The following MEIS1 variants were observed in gnomAD, a reference collection of about 807,000 sequenced individuals.
MEIS1 encodes the protein Meis homeobox 1.
Under a neutral mutation model 50.8 loss-of-function variants are expected in MEIS1, and 5 were observed. The observed-to-expected ratio is 0.10, with a 90% CI of 0.05 to 0.21. The LOEUF is 0.21. Among genes scored for constraint, MEIS1 ranks in the 10% least tolerant of loss-of-function variants. MEIS1 has a pLI of 1.00. For synonymous variants in MEIS1, 176 were observed against 179.3 expected (o/e 0.98, Z 0.15); for missense variants, 318 against 517.3 (o/e 0.61, Z 3.74).
intron 2 of MEIS1, chr2:66,439,476 A>G: frequency 7.2e-7 from 1 of 1,390,342 alleles, no homozygotes. Flanking sequence ...TTTCTCCTCC[A>G]CCGGATCCTG....
At chr2:66,456,943 G>A (rs1033346359) in intron 6 of MEIS1, among the ~76,000 whole-genome samples, 7 of 152,082 alleles carry the variant, frequency 4.6e-5, no homozygotes, top group African/African-American at 9.7e-5. Context: ...GCTATTTCAC[G>A]TCCATATCAT....
intron 7 of MEIS1, among the ~76,000 whole-genome samples, chr2:66,502,488 T>C (rs1673581725): frequency 6.6e-6 from 1 of 152,246 alleles, no homozygotes. Context: ...CCAACATTTC[T>C]GGGAAGGTGA....
intron 7 of MEIS1, among the ~76,000 whole-genome samples, chr2:66,497,157 G>T: frequency 6.6e-6 from 1 of 152,134 alleles, no homozygotes; most frequent in East Asian, 1.9e-4. Flanking sequence ...CCTTTCTAGA[G>T]GTTAAAGAAA....
At chr2:66,475,203 T>C (rs955305868) in intron 7 of MEIS1, among the ~76,000 whole-genome samples, 9 of 146,788 alleles carry the variant, frequency 6.1e-5, no homozygotes, top group Non-Finnish European at 9.0e-5. Context: ...TATGCACACC[T>C]ATATAAATAA....
chr2:66,537,638 T>C (rs1674554283), intron 8 of MEIS1, among the ~76,000 whole-genome samples: 1 of 152,234 alleles, frequency 6.6e-6, no homozygotes, highest in Admixed American at 6.5e-5. Context: ...GACAAGGATT[T>C]TTCCTGAATA....
At chr2:66,477,320 C>T (rs1672917618) in intron 7 of MEIS1, among the ~76,000 whole-genome samples, 1 of 152,150 alleles carries the variant, frequency 6.6e-6, no homozygotes, top group African/African-American at 2.4e-5. Flanking sequence ...TAGTGGAGTG[C>T]AAAGGCTCTG....
chr2:66,460,080 A>T (rs569644398), intron 6 of MEIS1, among the ~76,000 whole-genome samples: 2 of 152,162 alleles, frequency 1.3e-5, no homozygotes, highest in East Asian at 3.9e-4. Context: ...ATGGTAGAAG[A>T]AAAAAAAGTC....
chr2:66,559,273 A>G (rs10202912), intron 9 of MEIS1, among the ~76,000 whole-genome samples: 82,024 of 152,030 alleles, frequency 0.54, 22,393 homozygotes, highest in Middle Eastern at 0.57. Context: ...GGAAAATAAA[A>G]CATATTTGAT....
intron 8 of MEIS1, among the ~76,000 whole-genome samples, chr2:66,532,765 G>T (rs1234046410): frequency 6.6e-6 from 1 of 152,116 alleles, no homozygotes; most frequent in Non-Finnish European, 1.5e-5. Context: ...TTAAAAATTG[G>T]TGTTGCCATC....
chr2:66,509,668 A>G (rs998520400), intron 7 of MEIS1, among the ~76,000 whole-genome samples: 5 of 152,220 alleles, frequency 3.3e-5, no homozygotes, highest in Non-Finnish European at 5.9e-5. Flanking sequence ...TTCATACAGC[A>G]GAAATAAACA....
intron 7 of MEIS1, among the ~76,000 whole-genome samples, chr2:66,491,901 G>T (rs1180123227): frequency 6.6e-6 from 1 of 152,014 alleles, no homozygotes; most frequent in Non-Finnish European, 1.5e-5. Context: ...CCGTCCAAAT[G>T]ATTCTTTTCA....
chr2:66,474,972 G>A (rs961853920), intron 7 of MEIS1, among the ~76,000 whole-genome samples: 14 of 151,874 alleles, frequency 9.2e-5, no homozygotes, highest in African/African-American at 3.4e-4. Flanking sequence ...ATTTGCCAAT[G>A]GGCTTGTTGC....
At chr2:66,478,379 G>T (rs1573164110) in intron 7 of MEIS1, among the ~76,000 whole-genome samples, 1 of 152,328 alleles carries the variant, frequency 6.6e-6, no homozygotes, top group East Asian at 1.9e-4. Context: ...CATCATCTTA[G>T]ACACTAGCCA....
intron 9 of MEIS1, among the ~76,000 whole-genome samples, chr2:66,565,029 T>G (rs1675312883): frequency 6.6e-6 from 1 of 152,124 alleles, no homozygotes; most frequent in South Asian, 2.1e-4. Flanking sequence ...AGTGCTGTAT[T>G]AGTTCAGCAG....
intron 7 of MEIS1, among the ~76,000 whole-genome samples, chr2:66,496,813 T>C (rs147155465): frequency 6.6e-6 from 1 of 151,116 alleles, no homozygotes; most frequent in African/African-American, 2.4e-5. Flanking sequence ...AACGTTCTCG[T>C]TTTTTTTTGT....
At chr2:66,439,223 T>A in intron 2 of MEIS1, 1 of 973,706 alleles carries the variant, frequency 1.0e-6, no homozygotes, top group Non-Finnish European at 1.2e-6. Context: ...TGGGGGGCGG[T>A]GGGGGCTATC....
At chr2:66,514,321 C>T (rs1176151067) in intron 8 of MEIS1, among the ~76,000 whole-genome samples, 5 of 152,182 alleles carry the variant, frequency 3.3e-5, no homozygotes, top group African/African-American at 1.2e-4. Context: ...CATAGAGCTA[C>T]ATTATCTTCT....
intron 8 of MEIS1, among the ~76,000 whole-genome samples, chr2:66,528,810 A>G (rs962600407): frequency 6.6e-6 from 1 of 152,068 alleles, no homozygotes; most frequent in Admixed American, 6.5e-5. Context: ...ATATCTCCCT[A>G]CTACCCGTAG....
intron 8 of MEIS1, among the ~76,000 whole-genome samples, chr2:66,542,835 GGC>G (rs1359585585): frequency 1.3e-5 from 2 of 152,104 alleles, no homozygotes; most frequent in Non-Finnish European, 2.9e-5. Context: ...TCACTTTCTT[GGC>G]ATCCACATTT....
Sources: allele counts gnomAD v4.1 joint callset (sites outside exome capture counted in the v4.1 genomes callset), GRCh38; gene constraint gnomAD v4.1.1; transcripts MANE v1.5; gene names NCBI Gene and HGNC (gene_info 2026-07-23, HGNC 2026-07-21).